The following TRPM8 variants were observed in gnomAD, a reference collection of about 807,000 sequenced individuals.
The protein encoded by TRPM8 is TRPM8 cationic channel.
Under a neutral mutation model 133.7 loss-of-function variants are expected in TRPM8, and 110 were observed. The observed-to-expected ratio is 0.82, with a 90% CI of 0.70 to 0.96. TRPM8 has a LOEUF of 0.96. TRPM8 is among the 40% of genes least tolerant of loss of function. The probability of loss-of-function intolerance (pLI) is 0.00; values close to 1 mark genes in which losing one functional copy is unlikely to be tolerated. For synonymous variants in TRPM8, 535 were observed against 532.3 expected (o/e 1.01, Z -0.07); for missense variants, 1,291 against 1,379.5 (o/e 0.94, Z 1.02).
chr2:233,972,005 C>A (rs1368729389), intron 17 of TRPM8, among the ~76,000 whole-genome samples: 3 of 152,096 alleles, frequency 2.0e-5, no homozygotes, highest in Non-Finnish European at 2.9e-5. Context: ...TCTCCAGGTC[C>A]CCACTAGATT....
At chr2:233,945,209 C>T (rs1691011881) in intron 6 of TRPM8, among the ~76,000 whole-genome samples, 1 of 152,126 alleles carries the variant, frequency 6.6e-6, no homozygotes, top group African/African-American at 2.4e-5. Context: ...AACCTAAATG[C>T]CTTTGAATGG....
intron 9 of TRPM8, among the ~76,000 whole-genome samples, chr2:233,950,814 G>A (rs544778930): frequency 4.8e-4 from 73 of 152,350 alleles, no homozygotes; most frequent in African/African-American, 1.7e-3. Context: ...ATGGAATTCT[G>A]TTGGTTGGGA....
chr2:233,947,206 A>T (rs778725893), intron 8 of TRPM8, 51 bp downstream of exon 8: 7 of 1,608,008 alleles, frequency 4.4e-6, no homozygotes, highest in Non-Finnish European at 6.0e-6. Flanking sequence ...CCTATCCAAC[A>T]AATTTGTATT....
At chr2:233,987,788 C>T (rs1378593461) in intron 21 of TRPM8, among the ~76,000 whole-genome samples, 6 of 152,196 alleles carry the variant, frequency 3.9e-5, no homozygotes, top group African/African-American at 2.4e-5. Flanking sequence ...TTCCCCCATA[C>T]TGTTCTCATG....
chr2:233,955,187 G>T lies in TRPM8; in HGVS notation c.1299G>T (p.Leu433=). The T allele has an allele frequency of 6.2e-7, 1 of 1,614,200 alleles. No individual in the cohort carries two copies. Among genetic ancestry groups the T allele is most frequent in the Non-Finnish European group, 8.5e-7 (1 of 1,180,030 alleles). ...ACTGGAATGGGCAGCTGAAGCTTCT[G>T]CTGGAGTGGAACCAGCTGGACTTAG... ...KDNWNGQLKL[L]LEWNQLDLAN... is the part of the protein sequence containing the mutation. The change falls in exon 11 of 26, where the codon CTG becomes CTT. Residue 433 remains leucine (L), a synonymous_variant. Transcript: ENST00000324695.
chr2:233,941,922 T>C (rs888944025), intron 5 of TRPM8, among the ~76,000 whole-genome samples: 5 of 152,196 alleles, frequency 3.3e-5, no homozygotes, highest in Non-Finnish European at 5.9e-5. Flanking sequence ...CGACTTACCA[T>C]GGTGGCATTG....
At chr2:233,945,824 A>G (rs1691026839) in intron 6 of TRPM8, 32 bp from the exon 7 acceptor site, 3 of 1,587,008 alleles carry the variant, frequency 1.9e-6, no homozygotes, top group African/African-American at 1.3e-5. Context: ...TGATAATACA[A>G]TCTCAAAGAC....
intron 22 of TRPM8, among the ~76,000 whole-genome samples, chr2:234,005,688 A>G (rs1294701070): frequency 1.3e-5 from 2 of 152,134 alleles, no homozygotes; most frequent in African/African-American, 4.8e-5. Flanking sequence ...AGGCAGGTAA[A>G]CCACTTGAGG....
In TRPM8 at chr2:234,005,565, G is replaced by A. The variant is rs537034212; in HGVS notation, c.3131-1288G>A. 5.9e-5 allele frequency among the ~76,000 whole-genome samples: 9 copies of A among 152,206 alleles called. 1 individual carries two copies. The South Asian group carries it at 6.2e-4, about 11-fold the overall frequency. On this transcript the variant is annotated intron_variant, in intron 22 of 25. Transcript: ENST00000324695. Reference sequence around the variant, plus strand: ...CAAAAAATTAGTTAAGAATTATTTTGTAAAGTGAATAACCACACTTAAAAA... The same window carrying A: ...CAAAAAATTAGTTAAGAATTATTTTATAAAGTGAATAACCACACTTAAAAA...
intron 20 of TRPM8, among the ~76,000 whole-genome samples, chr2:233,985,044 A>G (rs1020742028): frequency 6.6e-6 from 1 of 151,574 alleles, no homozygotes; most frequent in African/African-American, 2.4e-5. Context: ...AGATAGTGCC[A>G]CTGCACTCCA....
intron 23 of TRPM8, 65 bp downstream of exon 23, chr2:234,007,017 G>A (rs896458600): frequency 5.5e-6 from 7 of 1,269,602 alleles, no homozygotes; most frequent in Non-Finnish European, 7.9e-6. Flanking sequence ...ATAGAACGTA[G>A]GCAGCTTATT....
intron 15 of TRPM8, among the ~76,000 whole-genome samples, chr2:233,968,009 C>T (rs1447826703): frequency 6.6e-6 from 1 of 152,086 alleles, no homozygotes; most frequent in East Asian, 1.9e-4. Context: ...CACAGGATCA[C>T]CCAGTGGGCC....
At chr2:233,988,626 T>G (rs1199604669) in intron 21 of TRPM8, among the ~76,000 whole-genome samples, 1 of 152,188 alleles carries the variant, frequency 6.6e-6, no homozygotes, top group Non-Finnish European at 1.5e-5. Flanking sequence ...AGGTTTAACA[T>G]CTGCTCTGTG....
chr2:233,945,958 C>T lies in TRPM8; in HGVS notation c.802C>T (p.His268Tyr), dbSNP rs199515958. Residue 268 changes from histidine to tyrosine, a missense_variant, in exon 7 of 26, where the codon CAT (histidine) becomes TAT (tyrosine). By Grantham distance (83) the His-to-Tyr change is moderately conservative. Around this residue, in one of 2 missense-constraint regions of TRPM8, gnomAD observed 963 missense variants for 968.9 expected, o/e 0.99. Coordinates refer to ENST00000324695, the MANE Select transcript of TRPM8 (RefSeq NM_024080.5). ...TTTGCTGCTCGTGGACAATGGCTGT[C>T]ATGGACATCCCACTGTCGAAGCAAA... ...THLLLVDNGCHGHPTVEAKLR... is the reference protein window; with the variant it reads ...THLLLVDNGCYGHPTVEAKLR... The T allele has an allele frequency of 9.3e-6, 15 of 1,614,026 alleles. No homozygotes were observed. In the African/African-American group the frequency reaches 1.9e-4, roughly 20 times the overall value.
intron 6 of TRPM8, chr2:233,943,120 A>G (rs1340000784): frequency 1.7e-5 from 4 of 230,286 alleles, no homozygotes; most frequent in Non-Finnish European, 2.8e-5. Flanking sequence ...TTTTTTTTTT[A>G]TTATTATACT....
intron 20 of TRPM8, chr2:233,983,468 A>G (rs1211259907): frequency 4.0e-6 from 2 of 502,390 alleles, no homozygotes; most frequent in East Asian, 4.0e-5. Context: ...TGATTCTGGT[A>G]TTTTCAATTA....
Position 233,983,182 on chromosome 2 carries a change from C to A in TRPM8, c.2719C>A (p.Pro907Thr), listed in dbSNP as rs530833103. The stretch of plus-strand genomic sequence containing the variant: ...GATATTCCGTTCGGTCATCTACGAG[C>A]CCTACCTGGCCATGTTCGGCCAGGT... The part of the protein sequence containing the change: ...RWIFRSVIYE[P>T]YLAMFGQVPS... Residue 907 changes from proline to threonine, a missense_variant, in exon 20 of 26, where the codon CCC (proline) becomes ACC (threonine). Physicochemically the swap from Pro to Thr is conservative, Grantham distance 38. Coordinates refer to ENST00000324695, the MANE Select transcript of TRPM8 (RefSeq NM_024080.5). 2.5e-6 allele frequency: 4 copies of A among 1,614,182 alleles called. No individual in the cohort carries two copies. In the African/African-American group the frequency reaches 4.0e-5, roughly 16 times the overall value.
At chr2:234,014,697 C>A in intron 25 of TRPM8, 43 bp downstream of exon 25, 1 of 722,096 alleles carries the variant, frequency 1.4e-6, no homozygotes, top group Non-Finnish European at 2.2e-6. Flanking sequence ...TGAAGATTTG[C>A]ATCTTTTAAG....
chr2:233,961,446 C>A (rs1469294248), intron 12 of TRPM8, among the ~76,000 whole-genome samples: 2 of 152,038 alleles, frequency 1.3e-5, no homozygotes, highest in African/African-American at 4.8e-5. Flanking sequence ...GCTGGGACTA[C>A]AGGCACCTGC....
Sources: gnomAD v4.1 joint callset for allele counts (sites outside exome capture counted in the v4.1 genomes callset) on GRCh38, gnomAD v4.1.1 for gene constraint, gnomAD v4.1.1 regional missense constraint, MANE v1.5 for transcripts, NCBI Gene and HGNC (gene_info 2026-07-23, HGNC 2026-07-21) for gene names.